Variants in RAB3GAP2 observed in about 807,000 individuals in gnomAD.
The protein encoded by RAB3GAP2 is RAB3 GTPase activating non-catalytic protein subunit 2.
A neutral mutation model predicts 185.3 loss-of-function variants in RAB3GAP2; 87 were observed. The ratio of observed to expected loss-of-function variants is 0.47; its 90% CI spans 0.39 to 0.56. RAB3GAP2 has a LOEUF of 0.56. RAB3GAP2 is among the 20% of genes least tolerant of loss of function. The probability of loss-of-function intolerance (pLI) is 0.00; values close to 1 mark genes in which losing one functional copy is unlikely to be tolerated. For synonymous variants in RAB3GAP2, 554 were observed against 576.1 expected, an observed-to-expected ratio of 0.96 and a Z score of 0.55; for missense variants, 1,492 against 1,638.2, an observed-to-expected ratio of 0.91 and a Z score of 1.54.
intron 1 of RAB3GAP2, among the ~76,000 whole-genome samples, chr1:220,250,785 T>C (rs1659917899): frequency 6.6e-6 from 1 of 152,192 alleles, no homozygotes; most frequent in Admixed American, 6.5e-5. Context: ...CTGATGGTTT[T>C]ATAAGGGGCT....
At chr1:220,235,478 A>G (rs945764394) in intron 1 of RAB3GAP2, among the ~76,000 whole-genome samples, 1 of 152,226 alleles carries the variant, frequency 6.6e-6, no homozygotes, top group African/African-American at 2.4e-5. Context: ...AAAATAATGT[A>G]TATATCAAAT....
intron 1 of RAB3GAP2, chr1:220,271,258 C>T (rs1346798479): frequency 6.6e-6 from 1 of 152,134 alleles, no homozygotes; most frequent in Admixed American, 6.5e-5. Flanking sequence ...GGGAGAGGAG[C>T]TTAGTGGGCT....
chr1:220,259,613 A>C (rs1342146847), intron 1 of RAB3GAP2, among the ~76,000 whole-genome samples: 1 of 152,260 alleles, frequency 6.6e-6, no homozygotes, highest in Non-Finnish European at 1.5e-5. Flanking sequence ...TAAAGACTTA[A>C]AGGTAAAACC....
At position 220,171,024 on chromosome 1, in the gene RAB3GAP2, G is replaced by GT; in HGVS notation, c.2673dup (p.Gln892ThrfsTer29). 1 of 1,614,126 alleles carries GT rather than the reference G, an allele frequency of 6.2e-7. No homozygotes were observed. Among genetic ancestry groups the GT allele is most frequent in the Non-Finnish European group, 8.5e-7 (1 of 1,180,006 alleles). On this transcript the variant is annotated frameshift_variant, in exon 24 of 35. Transcript: ENST00000358951. LOFTEE classifies it high-confidence loss of function. ...TGAAGTATGAGACAATCCTCCAGCT[G>GT]TTTCAGAAGGAGTTTCCAGTACTCA...
rs1431538175 is a variant in RAB3GAP2, at chr1:220,267,082, T to C, written c.115+5141A>G. 10 of 1,588,788 alleles carry C rather than the reference T, an allele frequency of 6.3e-6. No individual in the cohort carries two copies. In the Admixed American group the frequency reaches 1.0e-4, roughly 16 times the overall value. On this transcript the variant is annotated intron_variant, in intron 1 of 34. Transcript: ENST00000358951. ...GGTCCTCCTGGAAGATGGAGCATGT[T>C]CTGACCACCCAAAATTTGCAATTTC...
intron 1 of RAB3GAP2, among the ~76,000 whole-genome samples, chr1:220,236,474 C>T (rs528310694): frequency 1.8e-4 from 28 of 152,198 alleles, no homozygotes; most frequent in Non-Finnish European, 2.8e-4. Context: ...CTGCGCTCCG[C>T]CCCTTGTGGC....
Position 220,148,325 on chromosome 1 carries a change from T to TAAG in RAB3GAP2, c.*2923_*2925dup, listed in dbSNP as rs3217443. 2 of 152,774 alleles carry TAAG rather than the reference T, an allele frequency of 1.3e-5. No homozygotes were observed. The highest frequency in any genetic ancestry group is 2.9e-5 in the Non-Finnish European group (2 of 68,492). 9.5% of individuals were successfully genotyped at this position (152,774 alleles called of 1,614,324 possible). A position where few individuals can be genotyped will look rare whatever the true frequency, so the allele number is the denominator to read the frequency against. ...TGAAAATTTATTTCACTAATATACATAAGAAGTTCACAACAATGAACAGAC... is the reference window on the plus strand; with the variant it reads ...TGAAAATTTATTTCACTAATATACATAAGAAGAAGTTCACAACAATGAACAGAC... On this transcript the variant is annotated 3_prime_UTR_variant, in exon 35 of 35. Transcript: ENST00000358951.
chr1:220,231,311 T>A (rs1239047372), intron 2 of RAB3GAP2, among the ~76,000 whole-genome samples: 1 of 152,216 alleles, frequency 6.6e-6, no homozygotes. Flanking sequence ...CAGATTCTCA[T>A]GTTGTTGACT....
Position 220,151,463 on chromosome 1 carries a change from G to T in RAB3GAP2, c.4027-57C>A, listed in dbSNP as rs1281705414. On this transcript the variant is annotated intron_variant, in intron 34 of 34. Coordinates refer to ENST00000358951, the MANE Select transcript of RAB3GAP2 (RefSeq NM_012414.4). ...AGACAACTAAACAATAATTGTTATTGACTTAAGAGTTATTACATAAAAATG... is the reference window on the plus strand; with the variant it reads ...AGACAACTAAACAATAATTGTTATTTACTTAAGAGTTATTACATAAAAATG... 2.5e-6 allele frequency: 4 copies of T among 1,606,562 alleles called. No homozygotes were observed. The South Asian group carries it at 3.3e-5, about 13-fold the overall frequency.
intron 17 of RAB3GAP2, among the ~76,000 whole-genome samples, 161 bp downstream of exon 17, chr1:220,189,542 A>G (rs1658572373): frequency 6.6e-6 from 1 of 150,890 alleles, no homozygotes; most frequent in South Asian, 2.1e-4. Context: ...TAAAGAGACA[A>G]CAGGAACTTC....
At chr1:220,182,490 GATTT>G (rs1238786750) in intron 20 of RAB3GAP2, 136 bp from the exon 21 acceptor site, 2 of 1,491,020 alleles carry the variant, frequency 1.3e-6, no homozygotes, top group Non-Finnish European at 1.8e-6. Flanking sequence ...CAATTTGCTT[GATTT>G]ATTAAAGCAG....
intron 1 of RAB3GAP2, among the ~76,000 whole-genome samples, chr1:220,238,052 T>C (rs1194748192): frequency 6.6e-6 from 1 of 152,098 alleles, no homozygotes; most frequent in Non-Finnish European, 1.5e-5. Flanking sequence ...TTTAGTTTAG[T>C]TTAGTTTTGA....
chr1:220,254,126 C>T, intron 1 of RAB3GAP2: 3 of 1,613,680 alleles, frequency 1.9e-6, no homozygotes, highest in South Asian at 1.1e-5. Flanking sequence ...TATCTTCCTG[C>T]CAAGAAGAAT....
At chr1:220,156,459 A>G (rs1657859191) in intron 31 of RAB3GAP2, among the ~76,000 whole-genome samples, 1 of 152,206 alleles carries the variant, frequency 6.6e-6, no homozygotes, top group African/African-American at 2.4e-5. Context: ...GAAGGTTACA[A>G]TAGAATATGT....
Position 220,247,929 on chromosome 1 carries a change from G to C in RAB3GAP2, c.116-15066C>G, listed in dbSNP as rs61830455. Reference sequence around the variant, plus strand: ...AAAAAAATGAATAAAGATGAAAATAGAAATTAATTAGAAACTTTGAAAAAT... The same window carrying C: ...AAAAAAATGAATAAAGATGAAAATACAAATTAATTAGAAACTTTGAAAAAT... On this transcript the variant is annotated intron_variant, in intron 1 of 34. Transcript: ENST00000358951. Among the ~76,000 whole-genome samples, 779 of 151,866 alleles carry C rather than the reference G, an allele frequency of 5.1e-3. 5 individuals are homozygous for C. Among genetic ancestry groups the C allele is most frequent in the Non-Finnish European group, 8.9e-3 (602 of 67,936 alleles).
intron 2 of RAB3GAP2, among the ~76,000 whole-genome samples, chr1:220,224,597 T>C (rs1490201535): frequency 6.6e-6 from 1 of 152,142 alleles, no homozygotes; most frequent in Non-Finnish European, 1.5e-5. Flanking sequence ...ATTAAACACA[T>C]GAATTTTACT....
intron 1 of RAB3GAP2, among the ~76,000 whole-genome samples, chr1:220,246,613 C>G (rs1334897823): frequency 2.7e-5 from 3 of 109,444 alleles, no homozygotes; most frequent in African/African-American, 1.1e-4. Flanking sequence ...AGTTCATGTC[C>G]TTTGTAGGGA....
Position 220,184,154 on chromosome 1 carries a change from G to T in RAB3GAP2, c.1880C>A (p.Ser627Tyr). The T allele has an allele frequency of 6.2e-7, 1 of 1,610,356 alleles. No homozygotes were observed. The highest frequency in any genetic ancestry group is 1.1e-5 in the South Asian group (1 of 90,950). ...MDTLKSQELE[S>Y]VDEGLLQFCA... ...AAACTGTAGCAATCCTTCATCAACA[G>T]ACTCAAGTTCTAAAAGGCAGAAGGA... Residue 627 changes from serine to tyrosine, a missense_variant, in exon 19 of 35, where the codon TCT becomes TAT. By Grantham distance (144) the Ser-to-Tyr change is moderately radical. Around this residue, in one of 5 missense-constraint regions of RAB3GAP2, gnomAD observed 681 missense variants for 689.1 expected, o/e 0.99. Transcript: ENST00000358951.
chr1:220,174,782 G>C (rs886962253), intron 21 of RAB3GAP2, among the ~76,000 whole-genome samples: 1 of 152,090 alleles, frequency 6.6e-6, no homozygotes, highest in African/African-American at 2.4e-5. Context: ...TACATATATC[G>C]TACTTTTGAG....
Sources: allele counts gnomAD v4.1 joint callset (sites outside exome capture counted in the v4.1 genomes callset), GRCh38; gene constraint gnomAD v4.1.1; regional missense constraint gnomAD v4.1.1; transcripts MANE v1.5; gene names NCBI Gene and HGNC (gene_info 2026-07-23, HGNC 2026-07-21).